SCHIP1: variants seen among roughly 807,000 people sequenced by gnomAD.
SCHIP1 encodes the protein schwannomin interacting protein 1.
SCHIP1 carries 8 observed loss-of-function variants against 29.7 expected under a neutral mutation model. The observed-to-expected ratio is 0.27, with a 90% CI of 0.16 to 0.49. The LOEUF (loss-of-function observed/expected upper bound fraction) is 0.49. Ranked by LOEUF, SCHIP1 falls within the 20% of genes least tolerant of loss-of-function variation. The pLI, the probability that SCHIP1 is intolerant of heterozygous loss-of-function variation, is 0.99. For missense variants in SCHIP1, 193 were observed against 294.6 expected (o/e 0.66, Z 2.52); for synonymous variants, 76 against 94.9 (o/e 0.80, Z 1.16).
the SCHIP1 span, among the ~76,000 whole-genome samples, chr3:159,408,366 A>C: frequency 6.7e-6 from 1 of 149,872 alleles, no homozygotes; most frequent in Non-Finnish European, 1.5e-5. Context: ...ACCACAAAAC[A>C]TTAATGAAAC....
chr3:159,710,879 G>A, the SCHIP1 span, among the ~76,000 whole-genome samples: 8 of 152,106 alleles, frequency 5.3e-5, no homozygotes, highest in South Asian at 4.1e-4. Context: ...CCTAAATAAA[G>A]CCATGTACAG....
the SCHIP1 span, among the ~76,000 whole-genome samples, chr3:159,425,215 C>G: frequency 6.6e-6 from 1 of 152,062 alleles, no homozygotes; most frequent in Non-Finnish European, 1.5e-5. Flanking sequence ...TGTAAATGGC[C>G]TAAATGCTCC....
chr3:159,277,175 C>T, the SCHIP1 span, among the ~76,000 whole-genome samples: 6 of 152,260 alleles, frequency 3.9e-5, no homozygotes, highest in Non-Finnish European at 7.3e-5. Flanking sequence ...ACTTCTCCAC[C>T]GGTTTCATTT....
chr3:159,515,367 GAAGA>G, the SCHIP1 span, among the ~76,000 whole-genome samples: 25 of 152,100 alleles, frequency 1.6e-4, no homozygotes, highest in Non-Finnish European at 3.2e-4. Flanking sequence ...ATGAATAAAG[GAAGA>G]AAGGAGTCAT....
the SCHIP1 span, among the ~76,000 whole-genome samples, chr3:159,538,424 C>T: frequency 5.3e-5 from 8 of 152,086 alleles, no homozygotes; most frequent in Non-Finnish European, 1.2e-4. Context: ...TTTTAATGCT[C>T]CCTTTCAAAT....
the SCHIP1 span, among the ~76,000 whole-genome samples, chr3:159,554,446 T>G: frequency 1.3e-5 from 2 of 152,170 alleles, no homozygotes. Context: ...CCTGCTTTGC[T>G]AGGGTGCCGA....
At chr3:159,349,914 A>G in the SCHIP1 span, among the ~76,000 whole-genome samples, 2 of 152,216 alleles carry the variant, frequency 1.3e-5, no homozygotes, top group African/African-American at 2.4e-5. Context: ...TTTAAGCTCT[A>G]TCAAAACATT....
At chr3:159,374,532 T>C in the SCHIP1 span, among the ~76,000 whole-genome samples, 120 of 152,270 alleles carry the variant, frequency 7.9e-4, 1 homozygote, top group African/African-American at 2.7e-3. Flanking sequence ...AGAAGCACAG[T>C]AAGGTTATTA....
At chr3:159,469,238 A>G in the SCHIP1 span, among the ~76,000 whole-genome samples, 11 of 152,262 alleles carry the variant, frequency 7.2e-5, no homozygotes, top group Admixed American at 5.2e-4. Flanking sequence ...TAAAACACAA[A>G]TAAGAAGGTG....
chr3:159,349,305 A>G, the SCHIP1 span, among the ~76,000 whole-genome samples: 2 of 152,186 alleles, frequency 1.3e-5, no homozygotes, highest in African/African-American at 4.8e-5. Flanking sequence ...TAGATACTAG[A>G]GAGGTACTTT....
intron 1 of SCHIP1, among the ~76,000 whole-genome samples, chr3:159,842,380 T>C (rs1744299295): frequency 6.6e-6 from 1 of 152,200 alleles, no homozygotes; most frequent in African/African-American, 2.4e-5. Context: ...GTTGTCGTGG[T>C]TGTTATTGTC....
At chr3:159,494,634 T>G in the SCHIP1 span, among the ~76,000 whole-genome samples, 1 of 152,062 alleles carries the variant, frequency 6.6e-6, no homozygotes, top group African/African-American at 2.4e-5. Context: ...CCAAAAAAAG[T>G]CCAGGACCAG....
At chr3:159,469,396 A>G in the SCHIP1 span, among the ~76,000 whole-genome samples, 1 of 152,192 alleles carries the variant, frequency 6.6e-6, no homozygotes, top group South Asian at 2.1e-4. Context: ...TATTAGCTGA[A>G]TTCAGAGTGA....
At chr3:159,433,547 A>C in the SCHIP1 span, among the ~76,000 whole-genome samples, 1 of 152,174 alleles carries the variant, frequency 6.6e-6, no homozygotes, top group Non-Finnish European at 1.5e-5. Flanking sequence ...AACAATGATC[A>C]TGTCTTTCAT....
At chr3:159,354,738 A>AT in the SCHIP1 span, among the ~76,000 whole-genome samples, 11 of 152,152 alleles carry the variant, frequency 7.2e-5, no homozygotes, top group Admixed American at 6.6e-4. Flanking sequence ...GAGGGTTAGC[A>AT]TTTTTTTAAA....
the SCHIP1 span, among the ~76,000 whole-genome samples, chr3:159,779,014 T>C: frequency 6.6e-6 from 1 of 152,220 alleles, no homozygotes; most frequent in Non-Finnish European, 1.5e-5. Context: ...TTTATTGTTT[T>C]AAAGTAGGAA....
intron 2 of SCHIP1, among the ~76,000 whole-genome samples, chr3:159,878,501 G>A (rs191722115): frequency 1.9e-3 from 283 of 149,240 alleles, no homozygotes; most frequent in East Asian, 7.2e-3. Context: ...AAAATAGGCC[G>A]GGCGCGGTGG....
At chr3:159,564,844 C>T in the SCHIP1 span, among the ~76,000 whole-genome samples, 2 of 152,054 alleles carry the variant, frequency 1.3e-5, no homozygotes, top group African/African-American at 4.8e-5. Context: ...AATGATTATT[C>T]CTGTTCATTT....
upstream of SCHIP1, among the ~76,000 whole-genome samples, chr3:159,839,469 A>T (rs1340407307): frequency 1.3e-5 from 2 of 152,134 alleles, no homozygotes; most frequent in Non-Finnish European, 2.9e-5. Context: ...AAAGAATTAC[A>T]AAATAATCCT....
Sources: gnomAD v4.1 joint callset for allele counts (sites outside exome capture counted in the v4.1 genomes callset) on GRCh38, gnomAD v4.1.1 for gene constraint, MANE v1.5 for transcripts, NCBI Gene and HGNC (gene_info 2026-07-23, HGNC 2026-07-21) for gene names.